ANKS1B: variants seen among roughly 807,000 people sequenced by gnomAD.
ANKS1B encodes ankyrin repeat and sterile alpha motif domain-containing protein 1B.
Under a neutral mutation model 148.3 loss-of-function variants are expected in ANKS1B, and 36 were observed. The ratio of observed to expected loss-of-function variants is 0.24; its 90% confidence interval spans 0.19 to 0.32. ANKS1B has a LOEUF of 0.32. Among genes scored for constraint, ANKS1B ranks in the 10% least tolerant of loss-of-function variants. The pLI is 1.00. For synonymous variants in ANKS1B, 542 were observed against 560.8 expected (o/e 0.97, Z 0.47); for missense variants, 1,157 against 1,542.6 (o/e 0.75, Z 4.19).
intron 14 of ANKS1B, among the ~76,000 whole-genome samples, chr12:99,161,447 A>G (rs1451580267): frequency 6.6e-6 from 1 of 152,134 alleles, no homozygotes; most frequent in Non-Finnish European, 1.5e-5. Flanking sequence ...GAGGACCCCA[A>G]GGCTGCAGTG....
At chr12:99,804,568 T>C (rs2067351926) in intron 4 of ANKS1B, among the ~76,000 whole-genome samples, 1 of 152,146 alleles carries the variant, frequency 6.6e-6, no homozygotes, top group Non-Finnish European at 1.5e-5. Flanking sequence ...TAAAGAAAAC[T>C]CTGGAAATAC....
intron 17 of ANKS1B, among the ~76,000 whole-genome samples, chr12:98,993,157 A>T (rs1369361616): frequency 6.6e-6 from 1 of 152,020 alleles, no homozygotes. Context: ...TTCTTTTTTT[A>T]AAAATTTAAT....
At chr12:98,794,846 A>G in intron 22 of ANKS1B, 4 of 1,602,784 alleles carry the variant, frequency 2.5e-6, no homozygotes, top group Non-Finnish European at 3.4e-6. Flanking sequence ...AAAGTTCAGG[A>G]TATCAAAGAA....
chr12:99,867,742 C>T (rs780369083), intron 1 of ANKS1B, among the ~76,000 whole-genome samples: 2 of 152,212 alleles, frequency 1.3e-5, no homozygotes, highest in Non-Finnish European at 2.9e-5. Flanking sequence ...ATACCACCAA[C>T]ATTACACCTA....
intron 9 of ANKS1B, among the ~76,000 whole-genome samples, chr12:99,532,694 T>G (rs1463119951): frequency 6.6e-6 from 1 of 152,228 alleles, no homozygotes; most frequent in Non-Finnish European, 1.5e-5. Context: ...GAGTTAATTT[T>G]TATACATGGT....
intron 14 of ANKS1B, among the ~76,000 whole-genome samples, chr12:99,226,881 G>T (rs1030330409): frequency 1.3e-5 from 2 of 152,162 alleles, no homozygotes; most frequent in Non-Finnish European, 2.9e-5. Context: ...AATCAAAAAG[G>T]TTTTTCTTTT....
At chr12:99,819,189 C>A (rs2082215006) in intron 2 of ANKS1B, among the ~76,000 whole-genome samples, 1 of 151,822 alleles carries the variant, frequency 6.6e-6, no homozygotes, top group Non-Finnish European at 1.5e-5. Flanking sequence ...CAGATGTGTT[C>A]AAGATGGTCA....
intron 14 of ANKS1B, among the ~76,000 whole-genome samples, chr12:99,240,979 T>C (rs2089199130): frequency 6.6e-6 from 1 of 151,900 alleles, no homozygotes. Flanking sequence ...AACATCACAA[T>C]TAAAAGAACT....
At chr12:99,922,904 C>T (rs1326444782) in intron 1 of ANKS1B, among the ~76,000 whole-genome samples, 1 of 151,780 alleles carries the variant, frequency 6.6e-6, no homozygotes, top group African/African-American at 2.4e-5. Flanking sequence ...CAGATGCCAC[C>T]CCTTGACCTT....
At chr12:99,698,715 T>A (rs1299051494) in intron 8 of ANKS1B, among the ~76,000 whole-genome samples, 1 of 152,164 alleles carries the variant, frequency 6.6e-6, no homozygotes, top group Non-Finnish European at 1.5e-5. Flanking sequence ...GGACATGCTG[T>A]TTCATTCTTG....
chr12:99,038,549 C>A (rs1308237305), intron 17 of ANKS1B, among the ~76,000 whole-genome samples: 1 of 152,162 alleles, frequency 6.6e-6, no homozygotes, highest in Non-Finnish European at 1.5e-5. Flanking sequence ...TAAACCAAAC[C>A]ATATCTCTCT....
intron 12 of ANKS1B, among the ~76,000 whole-genome samples, chr12:99,362,324 T>C (rs2092528250): frequency 6.6e-6 from 1 of 152,044 alleles, no homozygotes; most frequent in African/African-American, 2.4e-5. Flanking sequence ...TTACATATAT[T>C]ATCTCATATC....
chr12:99,660,365 T>TTC (rs1483313361), intron 8 of ANKS1B, among the ~76,000 whole-genome samples: 2 of 142,444 alleles, frequency 1.4e-5, no homozygotes, highest in Non-Finnish European at 3.1e-5. Flanking sequence ...TTCTTTTTCT[T>TTC]TTTTTTTTTT....
intron 17 of ANKS1B, among the ~76,000 whole-genome samples, chr12:98,901,693 G>C (rs1437732426): frequency 6.6e-6 from 1 of 152,194 alleles, no homozygotes; most frequent in African/African-American, 2.4e-5. Flanking sequence ...GAGAGAGAAA[G>C]AGTGTCTGTG....
At chr12:99,600,719 T>C (rs2097793797) in intron 9 of ANKS1B, among the ~76,000 whole-genome samples, 1 of 151,960 alleles carries the variant, frequency 6.6e-6, no homozygotes, top group African/African-American at 2.4e-5. Context: ...GGGTCAAAAA[T>C]TGCTTCTAAG....
chr12:98,750,003 G>T (rs1033900613), intron 26 of ANKS1B, among the ~76,000 whole-genome samples: 1 of 152,162 alleles, frequency 6.6e-6, no homozygotes, highest in Non-Finnish European at 1.5e-5. Context: ...GAGTGGCTGT[G>T]GGGTGGGGAA....
Position 99,724,192 on chromosome 12 carries a change from T to C in ANKS1B, c.1128+48730A>G, listed in dbSNP as rs116768160. The stretch of plus-strand genomic sequence containing the variant: ...ACAGAAGTAGGCTTCAGAAGGTGGG[T>C]AATATCAAATTCTGCTAGCTAAAGG... On this transcript the variant is annotated intron_variant, in intron 8 of 26. Transcript: ENST00000683438. Among the ~76,000 whole-genome samples the C allele has an allele frequency of 5.0e-3, 756 of 152,128 alleles. 10 individuals are homozygous for C. The highest frequency in any genetic ancestry group is 0.017 in the African/African-American group (722 of 41,496).
chr12:99,095,441 T>C (rs916969741), intron 15 of ANKS1B, among the ~76,000 whole-genome samples: 2 of 152,170 alleles, frequency 1.3e-5, no homozygotes, highest in Non-Finnish European at 2.9e-5. Flanking sequence ...CTCCTCAGGA[T>C]GAGTGGCTAA....
chr12:98,804,705 T>G (rs2099036174), intron 20 of ANKS1B, among the ~76,000 whole-genome samples: 1 of 152,114 alleles, frequency 6.6e-6, no homozygotes, highest in South Asian at 2.1e-4. Context: ...AGGAATTACG[T>G]AGAGTAGTTA....
Sources: gnomAD v4.1 joint callset for allele counts (sites outside exome capture counted in the v4.1 genomes callset) on GRCh38, gnomAD v4.1.1 for gene constraint, MANE v1.5 for transcripts, NCBI Gene and HGNC (gene_info 2026-07-23, HGNC 2026-07-21) for gene names.